Variants in VWA3B observed in about 807,000 individuals in gnomAD.
The protein encoded by VWA3B is von Willebrand factor A domain containing 3B.
Under a neutral mutation model 158.3 loss-of-function variants are expected in VWA3B, and 138 were observed. The ratio of observed to expected loss-of-function variants is 0.87; its 90% CI spans 0.76 to 1.00. The LOEUF (loss-of-function observed/expected upper bound fraction) is 1.00, where lower values mean the gene tolerates loss of function less well. Ranked by LOEUF, VWA3B falls within the 50% of genes least tolerant of loss-of-function variation. The probability of loss-of-function intolerance (pLI) is 0.00; values close to 1 mark genes in which losing one functional copy is unlikely to be tolerated. For missense variants in VWA3B, 1,555 were observed against 1,565.1 expected, an observed-to-expected ratio of 0.99 and a Z score of 0.11; for synonymous variants, 596 against 587.3, an observed-to-expected ratio of 1.01 and a Z score of -0.21.
chr2:98,270,621 A>G, intron 21 of VWA3B, 61 bp from the exon 22 acceptor site: 1 of 1,505,108 alleles, frequency 6.6e-7, no homozygotes, highest in Non-Finnish European at 9.1e-7. Flanking sequence ...TTTTTATTAT[A>G]GTCATTTTCT....
intron 2 of VWA3B, among the ~76,000 whole-genome samples, chr2:98,109,088 G>A (rs533313321): frequency 1.8e-3 from 276 of 151,292 alleles, no homozygotes; most frequent in Non-Finnish European, 2.3e-3. Flanking sequence ...TGCCTCCCGG[G>A]TTCAAGCAAT....
intron 13 of VWA3B, among the ~76,000 whole-genome samples, chr2:98,214,583 T>G (rs1279247292): frequency 6.6e-6 from 1 of 152,190 alleles, no homozygotes; most frequent in Non-Finnish European, 1.5e-5. Flanking sequence ...CAAAAATGTA[T>G]TCATATATAT....
intron 2 of VWA3B, among the ~76,000 whole-genome samples, chr2:98,110,196 G>T (rs1316287142): frequency 1.3e-5 from 2 of 150,196 alleles, no homozygotes; most frequent in African/African-American, 4.9e-5. Flanking sequence ...GTAAGGCTCT[G>T]TTCAGCTTTC....
Position 98,312,220 on chromosome 2 carries a change from C to T in VWA3B, c.3756C>T (p.Pro1252=), listed in dbSNP as rs763683730. 1.9e-6 allele frequency: 3 copies of T among 1,614,080 alleles called. No homozygotes were observed. In the African/African-American group the frequency reaches 4.0e-5, roughly 22 times the overall value. Residue 1252 remains proline (P), a synonymous_variant, in exon 28 of 28, where the codon CCC becomes CCT. Coordinates refer to ENST00000477737, the MANE Select transcript of VWA3B (RefSeq NM_144992.5). ...PEPRTAHLHF[P]AAGRLGLSSH... is the part of the protein sequence containing the mutation. ...CCCAGACAGCCCACCTCCACTTCCC[C>T]GCGGCCGGGCGTCTAGGACTCAGCA...
intron 8 of VWA3B, among the ~76,000 whole-genome samples, chr2:98,165,955 G>C (rs558438552): frequency 6.6e-6 from 1 of 152,178 alleles, no homozygotes; most frequent in African/African-American, 2.4e-5. Context: ...CATTTGTTTC[G>C]GGGAGTGTGT....
At chr2:98,255,044 C>G (rs28446953) in intron 20 of VWA3B, among the ~76,000 whole-genome samples, 3 of 151,578 alleles carry the variant, frequency 2.0e-5, no homozygotes, top group African/African-American at 7.3e-5. Flanking sequence ...GATGGAGTCT[C>G]GCTCTGTCAC....
intron 21 of VWA3B, among the ~76,000 whole-genome samples, chr2:98,265,093 A>G (rs2202385): frequency 0.42 from 62,293 of 149,840 alleles, 13,371 homozygotes; most frequent in Admixed American, 0.47. Flanking sequence ...TGCACATTGT[A>G]CAGGTTAGTT....
intron 23 of VWA3B, among the ~76,000 whole-genome samples, chr2:98,297,070 C>T (rs1027632179): frequency 1.3e-5 from 2 of 151,146 alleles, no homozygotes; most frequent in Non-Finnish European, 3.0e-5. Flanking sequence ...AAAGAAACTT[C>T]TTACCTCTTT....
chr2:98,322,600 G>T, the VWA3B span, among the ~76,000 whole-genome samples: 5,938 of 152,308 alleles, frequency 0.039, 168 homozygotes, highest in Middle Eastern at 0.075. Flanking sequence ...CACAGGGAAA[G>T]GTCTGTGTGT....
chr2:98,126,880 C>T (rs925038425), intron 5 of VWA3B, among the ~76,000 whole-genome samples: 2 of 152,064 alleles, frequency 1.3e-5, no homozygotes, highest in African/African-American at 4.8e-5. Context: ...TGCGTCCCAC[C>T]CCTATCCCTT....
At chr2:98,230,550 G>A (rs1378591572) in intron 16 of VWA3B, among the ~76,000 whole-genome samples, 3 of 151,944 alleles carry the variant, frequency 2.0e-5, no homozygotes, top group Non-Finnish European at 4.4e-5. Context: ...TGTGTGTTTA[G>A]GTCTACACGG....
intron 22 of VWA3B, among the ~76,000 whole-genome samples, chr2:98,279,786 C>T (rs1035893436): frequency 4.6e-5 from 7 of 152,054 alleles, no homozygotes; most frequent in Admixed American, 6.5e-5. Context: ...GAGCTTGGCG[C>T]GTGCCTCAAG....
chr2:98,173,930 G>T (rs1418289818), intron 8 of VWA3B, among the ~76,000 whole-genome samples: 3 of 151,746 alleles, frequency 2.0e-5, no homozygotes, highest in Non-Finnish European at 4.4e-5. Context: ...TCGCACCACT[G>T]CACTCCAGCC....
chr2:98,185,101 C>T (rs1335371316), intron 9 of VWA3B, among the ~76,000 whole-genome samples: 1 of 152,200 alleles, frequency 6.6e-6, no homozygotes, highest in Non-Finnish European at 1.5e-5. Flanking sequence ...TAGGCATGCC[C>T]TCAGCCTTGT....
the VWA3B span, among the ~76,000 whole-genome samples, chr2:98,323,578 C>A: frequency 6.6e-6 from 1 of 151,624 alleles, no homozygotes; most frequent in Non-Finnish European, 1.5e-5. Context: ...TTAATAGATT[C>A]GAGAAGCCTA....
chr2:98,209,786 T>C (rs1478002486), intron 12 of VWA3B, among the ~76,000 whole-genome samples: 1 of 152,212 alleles, frequency 6.6e-6, no homozygotes, highest in East Asian at 1.9e-4. Flanking sequence ...GTATAATGAG[T>C]GATTTTTAAA....
chr2:98,190,236 T>A (rs1325114440), intron 10 of VWA3B, among the ~76,000 whole-genome samples: 1 of 152,150 alleles, frequency 6.6e-6, no homozygotes, highest in Non-Finnish European at 1.5e-5. Flanking sequence ...TATTTAGGAT[T>A]TACAATATTT....
At chr2:98,137,807 A>T (rs1223753920) in intron 7 of VWA3B, among the ~76,000 whole-genome samples, 2 of 152,236 alleles carry the variant, frequency 1.3e-5, no homozygotes, top group Non-Finnish European at 2.9e-5. Flanking sequence ...GACTTAGAAC[A>T]TACTTGTTAA....
Position 98,230,119 on chromosome 2 carries a change from T to C in VWA3B, c.2220T>C (p.Asp740=), listed in dbSNP as rs764273925. 1 of 1,611,742 alleles carries C rather than the reference T, an allele frequency of 6.2e-7. No homozygotes were observed. The highest frequency in any genetic ancestry group is 8.5e-7 in the Non-Finnish European group (1 of 1,179,488). Residue 740 remains aspartate, a synonymous_variant, in exon 16 of 28, where the codon GAT becomes GAC. Coordinates refer to ENST00000477737, the MANE Select transcript of VWA3B (RefSeq NM_144992.5). ...EKCAKPQSDV[D]STQTSSLNML... ...GTGCAAAGCCTCAATCTGATGTCGA[T>C]TCAACACAAACTTCATCTCTGAATA... is the stretch of plus-strand genomic sequence containing the variant.
Sources: gnomAD v4.1 joint callset for allele counts (sites outside exome capture counted in the v4.1 genomes callset) on GRCh38, gnomAD v4.1.1 for gene constraint, MANE v1.5 for transcripts, NCBI Gene and HGNC (gene_info 2026-07-23, HGNC 2026-07-21) for gene names.